The following SCN9A variants were observed in gnomAD, a reference collection of about 807,000 sequenced individuals.
SCN9A encodes the protein sodium voltage-gated channel alpha subunit 9, also known as sodium channel protein type 9 subunit alpha.
A neutral mutation model predicts 187.0 loss-of-function variants in SCN9A; 131 were observed. The ratio of observed to expected loss-of-function variants is 0.70; its 90% CI spans 0.61 to 0.81. The LOEUF (loss-of-function observed/expected upper bound fraction) is 0.81. Ranked by LOEUF, SCN9A falls within the 30% of genes least tolerant of loss-of-function variation. SCN9A has a pLI of 0.00. For missense variants in SCN9A, 2,252 were observed against 2,396.6 expected, an observed-to-expected ratio of 0.94 and a Z score of 1.26; for synonymous variants, 809 against 808.6, an observed-to-expected ratio of 1.00 and a Z score of -0.01.
chr2:166,319,082 A>G (rs946794620), intron 1 of SCN9A, among the ~76,000 whole-genome samples: 2 of 152,134 alleles, frequency 1.3e-5, no homozygotes, highest in South Asian at 2.1e-4. Flanking sequence ...CAATAGAAAC[A>G]AGATTTTATA....
At chr2:166,263,094 G>A (rs1404892659) in intron 17 of SCN9A, among the ~76,000 whole-genome samples, 1 of 151,926 alleles carries the variant, frequency 6.6e-6, no homozygotes, top group South Asian at 2.1e-4. Context: ...AAAGGTAAAG[G>A]GAGAGCCTGC....
In SCN9A at chr2:166,366,862, T is replaced by TA. The variant is rs542980503; in HGVS notation, c.-51+8834dup. Among the ~76,000 whole-genome samples, 23 of 152,300 alleles carry TA rather than the reference T, an allele frequency of 1.5e-4. No individual in the cohort carries two copies. In the South Asian group the frequency reaches 4.8e-3, roughly 32 times the overall value. ...AGTATCTAAGTGGATAATAGATATT[T>TA]AAAAAAATTGCATGCAAAAATTATT... On this transcript the variant is annotated intron_variant, in intron 1 of 26. Transcript: ENST00000642356.
Position 166,237,958 on chromosome 2 carries a change from A to T in SCN9A, c.3801+136T>A, listed in dbSNP as rs1237608695. The stretch of plus-strand genomic sequence containing the variant: ...CCACTGGCTGTGTTAATATTTCTAA[A>T]AGAATAAACCTATAGCCTGAAAATA... On this transcript the variant is annotated intron_variant, in intron 20 of 26. Coordinates refer to ENST00000642356, the MANE Select transcript of SCN9A (RefSeq NM_001365536.1). 3 of 577,196 alleles carry T rather than the reference A, an allele frequency of 5.2e-6. No individual in the cohort carries two copies. In the Admixed American group the frequency reaches 1.1e-4, roughly 20 times the overall value. 35.8% of individuals were successfully genotyped at this position (577,196 alleles called of 1,614,324 possible).
chr2:166,303,960 A>G (rs2106523521), intron 6 of SCN9A: 1 of 1,418,602 alleles, frequency 7.0e-7, no homozygotes, highest in Admixed American at 1.9e-5. Flanking sequence ...AAAATTGCAT[A>G]AAGAAAGGTT....
Position 166,277,201 on chromosome 2 carries a change from G to T in SCN9A, c.2656C>A (p.Gln886Lys). ...IVFIFAVVGMQLFGKSYKECV... is the reference protein window; with the variant it reads ...IVFIFAVVGMKLFGKSYKECV... Reference sequence around the variant, plus strand: ...TCTTTGTAGCTCTTACCAAAGAGCTGCATGCCGACCACAGCAAAAATGAAG... The same window carrying T: ...TCTTTGTAGCTCTTACCAAAGAGCTTCATGCCGACCACAGCAAAAATGAAG... The change falls in exon 16 of 27, where the codon CAG becomes AAG. Residue 886 changes from glutamine (Q) to lysine (K), a missense_variant. Physicochemically the swap from Gln to Lys is moderately conservative, Grantham distance 53. Coordinates refer to ENST00000642356, the MANE Select transcript of SCN9A (RefSeq NM_001365536.1). The T allele has an allele frequency of 2.5e-6, 4 of 1,614,070 alleles. No individual in the cohort carries two copies. Among genetic ancestry groups the T allele is most frequent in the Non-Finnish European group, 3.4e-6 (4 of 1,179,976 alleles).
chr2:166,339,233 C>G (rs1699706026), intron 1 of SCN9A, among the ~76,000 whole-genome samples: 1 of 152,094 alleles, frequency 6.6e-6, no homozygotes, highest in Non-Finnish European at 1.5e-5. Context: ...AAATTTCTGG[C>G]ACACTGCTCT....
chr2:166,277,900 T>C (rs955462651), intron 15 of SCN9A: 1 of 372,538 alleles, frequency 2.7e-6, no homozygotes, highest in African/African-American at 2.1e-5. Flanking sequence ...ATAGAAAATA[T>C]TTATATTATA....
chr2:166,208,882 T>C (rs141817824), intron 24 of SCN9A, among the ~76,000 whole-genome samples: 3 of 152,312 alleles, frequency 2.0e-5, no homozygotes, highest in Non-Finnish European at 4.4e-5. Context: ...TTGAAACAAT[T>C]TATCCATCCT....
At chr2:166,343,644 A>G (rs1275743453) in intron 1 of SCN9A, among the ~76,000 whole-genome samples, 2 of 152,108 alleles carry the variant, frequency 1.3e-5, no homozygotes, top group African/African-American at 4.8e-5. Context: ...CATGCCTATA[A>G]TCCCAGCACT....
chr2:166,317,094 T>A (rs975190201), intron 1 of SCN9A, among the ~76,000 whole-genome samples: 8 of 151,978 alleles, frequency 5.3e-5, no homozygotes, highest in Non-Finnish European at 1.0e-4. Flanking sequence ...ATATTTAATT[T>A]AAATACACAA....
chr2:166,296,513 G>A (rs572501203), intron 7 of SCN9A, among the ~76,000 whole-genome samples: 22 of 152,266 alleles, frequency 1.4e-4, no homozygotes, highest in South Asian at 1.2e-3. Context: ...GAGAGGATAA[G>A]ATGCAATTTT....
intron 7 of SCN9A, chr2:166,301,880 G>T (rs1698569100): frequency 6.6e-6 from 1 of 150,844 alleles, no homozygotes; most frequent in Admixed American, 6.6e-5. Flanking sequence ...TCAAATGGTG[G>T]TAGTAAAAAT....
At chr2:166,366,176 T>A (rs749187435) in intron 1 of SCN9A, among the ~76,000 whole-genome samples, 33 of 152,316 alleles carry the variant, frequency 2.2e-4, no homozygotes, top group Admixed American at 5.2e-4. Context: ...ATCTAATGAT[T>A]AATCCCTAGG....
chr2:166,342,269 C>T (rs1042554369), intron 1 of SCN9A, among the ~76,000 whole-genome samples: 2 of 152,154 alleles, frequency 1.3e-5, no homozygotes, highest in African/African-American at 2.4e-5. Flanking sequence ...ACACAAATGA[C>T]TTCAATCAGT....
Position 166,208,106 on chromosome 2 carries a change from G to C in SCN9A, c.4399-3642C>G, listed in dbSNP as rs115343801. Among the ~76,000 whole-genome samples, 697 of 152,306 alleles carry C rather than the reference G, an allele frequency of 4.6e-3. 3 individuals carry two copies. Among genetic ancestry groups the C allele is most frequent in the Admixed American group, 0.011 (170 of 15,306 alleles). On this transcript the variant is annotated intron_variant, in intron 24 of 26. Transcript: ENST00000642356. ...TGCGTGGGTGTTTTGTTTTCCTATA[G>C]CTTATTTAGGCCTTGTGCAAAATGT...
chr2:166,199,231 G>A lies in SCN9A; in HGVS notation c.5408C>T (p.Ser1803Phe). Residue 1803 changes from serine to phenylalanine, a missense_variant, in exon 27 of 27, where the codon TCT (serine) becomes TTT (phenylalanine). Transcript: ENST00000642356. ...ATQFIEFSKL[S>F]DFAAALDPPL... ...AGGATCCAGGGCAGCTGCAAAATCA[G>A]AGAGTTTAGAGAACTCTATAAACTG... The A allele has an allele frequency of 6.2e-7, 1 of 1,614,142 alleles. No individual in the cohort carries two copies. Among genetic ancestry groups the A allele is most frequent in the South Asian group, 1.1e-5 (1 of 91,078 alleles).
chr2:166,372,028 T>C (rs1020919221), intron 1 of SCN9A, among the ~76,000 whole-genome samples: 1 of 152,158 alleles, frequency 6.6e-6, no homozygotes, highest in African/African-American at 2.4e-5. Context: ...GTTTGTTTAA[T>C]ATCTTTAAGC....
intron 1 of SCN9A, among the ~76,000 whole-genome samples, chr2:166,313,733 GA>G: frequency 6.6e-6 from 1 of 152,276 alleles, no homozygotes; most frequent in Admixed American, 6.5e-5. Flanking sequence ...TTTCCTTCAA[GA>G]ATGTTTCCTT....
rs1695624147 is a variant in SCN9A, at chr2:166,242,731, A to C, written c.3473-75T>G. The C allele has an allele frequency of 2.6e-6, 3 of 1,163,718 alleles. No individual in the cohort carries two copies. In the South Asian group the frequency reaches 5.1e-5, roughly 20 times the overall value. 72.1% of individuals were successfully genotyped at this position (1,163,718 alleles called of 1,614,324 possible). A position where few individuals can be genotyped will look rare whatever the true frequency, so the allele number is the denominator to read the frequency against. ...ATTTTTAATACATTATTTAATGCAA[A>C]CTGCTTTCTGTGATACTCCCTCAAC... On this transcript the variant is annotated intron_variant, in intron 18 of 26. Transcript: ENST00000642356.
Sources: gnomAD v4.1 joint callset for allele counts (sites outside exome capture counted in the v4.1 genomes callset) on GRCh38, gnomAD v4.1.1 for gene constraint, MANE v1.5 for transcripts, NCBI Gene and HGNC (gene_info 2026-07-23, HGNC 2026-07-21) for gene names.